The following FAM13B variants were observed in gnomAD, a reference collection of about 807,000 sequenced individuals.
The protein encoded by FAM13B is protein FAM13B.
A neutral mutation model predicts 117.3 loss-of-function variants in FAM13B; 60 were observed. The observed-to-expected ratio is 0.51, with a 90% CI of 0.42 to 0.63. The LOEUF is 0.63. Among genes scored for constraint, FAM13B ranks in the 30% least tolerant of loss-of-function variants. The probability of loss-of-function intolerance (pLI) is 0.00; values close to 1 mark genes in which losing one functional copy is unlikely to be tolerated. For missense variants in FAM13B, 972 were observed against 1,091.9 expected, an observed-to-expected ratio of 0.89 and a Z score of 1.55; for synonymous variants, 332 against 356.1, an observed-to-expected ratio of 0.93 and a Z score of 0.76.
intron 14 of FAM13B, among the ~76,000 whole-genome samples, chr5:137,955,920 C>T (rs377110118): frequency 1.3e-5 from 2 of 152,222 alleles, no homozygotes; most frequent in Non-Finnish European, 2.9e-5. Context: ...GCGTGAGCCA[C>T]CACGCCCGGC....
Position 137,967,459 on chromosome 5 carries a change from G to A in FAM13B, c.1180-4990C>T, listed in dbSNP as rs554267744. 1.7e-3 allele frequency among the ~76,000 whole-genome samples: 264 copies of A among 152,164 alleles called. 1 individual carries two copies. The highest frequency in any genetic ancestry group is 6.2e-3 in the African/African-American group (258 of 41,492). On this transcript the variant is annotated intron_variant, in intron 10 of 23. Transcript: ENST00000689681. ...AACTGCTTGAACCCAGGAGGCGGAG[G>A]TTGCAGTGGGCTGAGATCGCACCAC...
At chr5:138,022,845 TC>T (rs1787135505) in intron 1 of FAM13B, among the ~76,000 whole-genome samples, 2 of 151,580 alleles carry the variant, frequency 1.3e-5, no homozygotes, top group African/African-American at 2.4e-5. Context: ...TTTTTTTTTT[TC>T]GAGACAGGGT....
At chr5:137,954,041 CTTTTTT>C (rs369548946) in intron 15 of FAM13B, 119 bp downstream of exon 15, 67 of 388,188 alleles carry the variant, frequency 1.7e-4, no homozygotes, top group East Asian at 3.0e-4. Flanking sequence ...CAATCTCTCT[CTTTTTT>C]TTTTTTTTTT....
chr5:137,986,426 TC>T lies in FAM13B; in HGVS notation c.1046+1034del, dbSNP rs372003381. Among the ~76,000 whole-genome samples, 37 of 69,572 alleles carry T rather than the reference TC, an allele frequency of 5.3e-4. 2 individuals are homozygous for T. The South Asian group carries it at 7.4e-3, about 14-fold the overall frequency. 45.6% of individuals were successfully genotyped at this position (69,572 alleles called of 152,430 possible). On this transcript the variant is annotated intron_variant, in intron 9 of 23. Transcript: ENST00000689681. The stretch of plus-strand genomic sequence containing the variant: ...AGATTTGGGTACATTTTTCTCATCT[TC>T]CCCCCCCCAAAAAAAATTGATATAT...
At chr5:138,031,270 C>T (rs1456812254) in intron 1 of FAM13B, among the ~76,000 whole-genome samples, 1 of 152,136 alleles carries the variant, frequency 6.6e-6, no homozygotes, top group Non-Finnish European at 1.5e-5. Context: ...ATGAATTATG[C>T]CACTGCAATA....
intron 10 of FAM13B, among the ~76,000 whole-genome samples, chr5:137,967,466 T>G (rs1037070008): frequency 7.2e-5 from 11 of 151,962 alleles, no homozygotes; most frequent in Non-Finnish European, 1.6e-4. Flanking sequence ...GAGGTTGCAG[T>G]GGGCTGAGAT....
At chr5:137,950,804 TAA>T (rs1764737625) in intron 17 of FAM13B, among the ~76,000 whole-genome samples, 1 of 152,138 alleles carries the variant, frequency 6.6e-6, no homozygotes, top group Admixed American at 6.5e-5. Flanking sequence ...CAACTACTAA[TAA>T]AATCAAGGTA....
intron 1 of FAM13B, among the ~76,000 whole-genome samples, chr5:138,026,710 C>T (rs1029980621): frequency 1.4e-5 from 2 of 144,262 alleles, no homozygotes; most frequent in African/African-American, 5.2e-5. Flanking sequence ...GAGGTCGAGA[C>T]GGGTGGATCA....
chr5:138,011,601 G>A (rs1784038356), intron 5 of FAM13B, among the ~76,000 whole-genome samples, 167 bp downstream of exon 5: 1 of 151,962 alleles, frequency 6.6e-6, no homozygotes, highest in Non-Finnish European at 1.5e-5. Context: ...TTTATTTTTA[G>A]TAGAGACGGG....
chr5:138,040,590 A>G (rs558441926), intron 1 of FAM13B, among the ~76,000 whole-genome samples: 5 of 151,942 alleles, frequency 3.3e-5, no homozygotes, highest in Non-Finnish European at 7.4e-5. Flanking sequence ...AACAAAAAAG[A>G]AGGAGATAAT....
At position 137,949,008 on chromosome 5, in the gene FAM13B, G is replaced by A; in HGVS notation, c.2107C>T (p.Leu703Phe). ...ATACGTTTTTCTTTCAGTCTTTTAAGAATAAGTTCAAGGGTTGCTTCTTTA... is the reference window on the plus strand; with the variant it reads ...ATACGTTTTTCTTTCAGTCTTTTAAAAATAAGTTCAAGGGTTGCTTCTTTA... ...PSKEATLELI[L>F]KRLKEKRIER... The change falls in exon 18 of 24, where the codon CTT (leucine) becomes TTT (phenylalanine). Residue 703 changes from leucine to phenylalanine, a missense_variant. Coordinates refer to ENST00000689681, the MANE Select transcript of FAM13B (RefSeq NM_001385994.1). 1 of 1,613,948 alleles carries A rather than the reference G, an allele frequency of 6.2e-7. No homozygotes were observed. Among genetic ancestry groups the A allele is most frequent in the Non-Finnish European group, 8.5e-7 (1 of 1,179,990 alleles).
chr5:138,002,034 T>A (rs1781396400), intron 7 of FAM13B, among the ~76,000 whole-genome samples: 1 of 152,146 alleles, frequency 6.6e-6, no homozygotes, highest in African/African-American at 2.4e-5. Flanking sequence ...AGAGAGACAT[T>A]AAAGGGATTT....
At chr5:137,981,924 T>C (rs1187471402) in intron 10 of FAM13B, among the ~76,000 whole-genome samples, 1 of 152,100 alleles carries the variant, frequency 6.6e-6, no homozygotes, top group African/African-American at 2.4e-5. Context: ...TGAGGAAGTA[T>C]CTGCAAGACT....
intron 10 of FAM13B, among the ~76,000 whole-genome samples, chr5:137,972,142 A>T (rs1200572278): frequency 8.1e-5 from 12 of 148,804 alleles, no homozygotes; most frequent in East Asian, 3.9e-4. Context: ...TACCAAAGCC[A>T]GGCAGAGACA....
intron 17 of FAM13B, among the ~76,000 whole-genome samples, chr5:137,950,754 G>A (rs963804649): frequency 6.6e-6 from 1 of 152,058 alleles, no homozygotes; most frequent in Non-Finnish European, 1.5e-5. Context: ...GAAAGAAAAT[G>A]GGAAAATTAG....
At chr5:137,977,224 C>G (rs905958733) in intron 10 of FAM13B, among the ~76,000 whole-genome samples, 3 of 152,068 alleles carry the variant, frequency 2.0e-5, no homozygotes, top group Non-Finnish European at 4.4e-5. Flanking sequence ...TTGGTCAGAC[C>G]GGTTGCTCTC....
chr5:138,019,102 T>C lies in FAM13B; in HGVS notation c.10A>G (p.Ser4Gly). The change falls in exon 3 of 24, where the codon AGC becomes GGC. Residue 4 changes from serine to glycine, a missense_variant. By Grantham distance (56) the Ser-to-Gly change is moderately conservative (BLOSUM62 0). Coordinates refer to ENST00000689681, the MANE Select transcript of FAM13B (RefSeq NM_001385994.1). ...CAGTTACTCAAGGAAGGGGAGGAGC[T>C]CTTCCTCATATCTTTTTTGCAGCCA... MRK[S>G]SSPSLSNCNS... 4 of 1,613,378 alleles carry C rather than the reference T, an allele frequency of 2.5e-6. No homozygotes were observed. The highest frequency in any genetic ancestry group is 3.4e-6 in the Non-Finnish European group (4 of 1,179,738).
At chr5:137,972,905 T>C (rs374842829) in intron 10 of FAM13B, among the ~76,000 whole-genome samples, 1 of 151,446 alleles carries the variant, frequency 6.6e-6, no homozygotes, top group Non-Finnish European at 1.5e-5. Context: ...TTACAAGGGA[T>C]GTGAAGGACC....
intron 10 of FAM13B, among the ~76,000 whole-genome samples, chr5:137,982,860 A>G (rs1776151323): frequency 1.3e-5 from 2 of 152,182 alleles, no homozygotes; most frequent in Non-Finnish European, 2.9e-5. Flanking sequence ...TGCCTCAGCT[A>G]TGAACCTAAT....
Sources: gnomAD v4.1 joint callset for allele counts (sites outside exome capture counted in the v4.1 genomes callset) on GRCh38, gnomAD v4.1.1 for gene constraint, MANE v1.5 for transcripts, NCBI Gene and HGNC (gene_info 2026-07-23, HGNC 2026-07-21) for gene names.